The following RANBP9 variants were observed in gnomAD, a reference collection of about 807,000 sequenced individuals.
RANBP9 encodes ran-binding protein 9.
Under a neutral mutation model 84.3 loss-of-function variants are expected in RANBP9, and 15 were observed. That is an observed-to-expected ratio of 0.18 (90% CI 0.12 to 0.27). RANBP9 has a LOEUF of 0.27. Among genes scored for constraint, RANBP9 ranks in the 10% least tolerant of loss-of-function variants. The pLI, the probability that RANBP9 is intolerant of heterozygous loss-of-function variation, is 1.00. For synonymous variants in RANBP9, 392 were observed against 349.6 expected, an observed-to-expected ratio of 1.12 and a Z score of -1.35; for missense variants, 809 against 912.8, an observed-to-expected ratio of 0.89 and a Z score of 1.46.
At chr6:13,641,350 A>T (rs1371620309) in intron 7 of RANBP9, 43 bp from the exon 8 acceptor site, 1 of 1,239,396 alleles carries the variant, frequency 8.1e-7, no homozygotes, top group Non-Finnish European at 1.2e-6. Flanking sequence ...TTACAAAAGT[A>T]GATAAAACAT....
chr6:13,679,780 G>A (rs2113325758), intron 2 of RANBP9, among the ~76,000 whole-genome samples: 1 of 152,166 alleles, frequency 6.6e-6, no homozygotes, highest in African/African-American at 2.4e-5. Flanking sequence ...CAAATGAGAT[G>A]TACCTATAAA....
rs372574264 is a variant in RANBP9, at chr6:13,632,838, T to TAAA, written c.1796-320_1796-318dup. ...CCCTAAAACTACATTAAGCAACATT[T>TAAA]AAAAAAAAAAAAAAAAAAAGGAAAA... On this transcript the variant is annotated intron_variant, in intron 11 of 13. Transcript: ENST00000011619. 2.9e-3 allele frequency: 347 copies of TAAA among 121,570 alleles called. 2 individuals are homozygous for TAAA. Among genetic ancestry groups the TAAA allele is most frequent in the African/African-American group, 9.7e-3 (309 of 31,784 alleles). 7.5% of individuals were successfully genotyped at this position (121,570 alleles called of 1,614,324 possible).
chr6:13,655,518 C>G (rs1765378518), intron 4 of RANBP9, among the ~76,000 whole-genome samples: 1 of 151,924 alleles, frequency 6.6e-6, no homozygotes, highest in Admixed American at 6.6e-5. Flanking sequence ...AATGTGACTC[C>G]ATTATTAGGT....
At chr6:13,696,458 G>A (rs1366181726) in intron 2 of RANBP9, among the ~76,000 whole-genome samples, 1 of 152,194 alleles carries the variant, frequency 6.6e-6, no homozygotes, top group East Asian at 1.9e-4. Flanking sequence ...ACTAGTTTGA[G>A]AGGATTTAAC....
chr6:13,700,456 G>A (rs1757940777), intron 1 of RANBP9, among the ~76,000 whole-genome samples: 1 of 149,988 alleles, frequency 6.7e-6, no homozygotes, highest in African/African-American at 2.5e-5. Context: ...CTGTAAACAT[G>A]CTATTCCCTC....
intron 2 of RANBP9, among the ~76,000 whole-genome samples, chr6:13,664,659 A>C (rs1428113842): frequency 6.6e-6 from 1 of 152,168 alleles, no homozygotes; most frequent in Admixed American, 6.6e-5. Flanking sequence ...ACAAATATTT[A>C]AGGTAACAGA....
rs114056528 is a variant in RANBP9 at position 13,680,227 on chromosome 6, A to G, written c.683+16558T>C. Reference sequence around the variant, plus strand: ...GAGTCCCTAAAAAACAAACCCATGTAATGGAACAGAACAAATACTGAAAAC... The same window carrying G: ...GAGTCCCTAAAAAACAAACCCATGTGATGGAACAGAACAAATACTGAAAAC... On this transcript the variant is annotated intron_variant, in intron 2 of 13. Transcript: ENST00000011619. Among the ~76,000 whole-genome samples the G allele has an allele frequency of 3.3e-3, 500 of 152,310 alleles. 7 individuals carry two copies. Among genetic ancestry groups the G allele is most frequent in the African/African-American group, 0.011 (465 of 41,572 alleles).
chr6:13,635,633 CAA>C (rs967564078), intron 10 of RANBP9, among the ~76,000 whole-genome samples: 32 of 138,622 alleles, frequency 2.3e-4, no homozygotes, highest in African/African-American at 5.5e-4. Flanking sequence ...AAAAAAAAAA[CAA>C]GAGATCTAGG....
chr6:13,682,148 C>CTGGGATT lies in RANBP9; in HGVS notation c.683+14636_683+14637insAATCCCA, dbSNP rs1376680409. On this transcript the variant is annotated intron_variant, in intron 2 of 13. Coordinates refer to ENST00000011619, the MANE Select transcript of RANBP9 (RefSeq NM_005493.3). ...AAGTGCTGGGATTACAGGCGTGAGC[C>CTGGGATT]ACCGCACCTGGGCCAAGTGCCTTCT... is the stretch of plus-strand genomic sequence containing the variant. Among the ~76,000 whole-genome samples the CTGGGATT allele has an allele frequency of 1.2e-3, 188 of 152,218 alleles. 2 individuals are homozygous for CTGGGATT. The highest frequency in any genetic ancestry group is 4.4e-3 in the African/African-American group (182 of 41,544).
chr6:13,685,785 G>A (rs985187012), intron 2 of RANBP9, among the ~76,000 whole-genome samples: 1 of 151,854 alleles, frequency 6.6e-6, no homozygotes, highest in South Asian at 2.1e-4. Context: ...AAAAGTAGCT[G>A]GGCGTGGTGG....
intron 2 of RANBP9, among the ~76,000 whole-genome samples, chr6:13,685,182 G>C (rs1238991169): frequency 1.3e-5 from 2 of 152,040 alleles, no homozygotes; most frequent in Non-Finnish European, 2.9e-5. Flanking sequence ...CGGAAATAAA[G>C]ACAAATTTCA....
chr6:13,657,946 T>C (rs1031977052), intron 3 of RANBP9, among the ~76,000 whole-genome samples: 1 of 152,188 alleles, frequency 6.6e-6, no homozygotes, highest in Non-Finnish European at 1.5e-5. Flanking sequence ...TTCATGTAGT[T>C]TGACATTGAC....
intron 9 of RANBP9, among the ~76,000 whole-genome samples, chr6:13,639,317 T>TA: frequency 6.6e-6 from 1 of 152,258 alleles, no homozygotes; most frequent in East Asian, 1.9e-4. Flanking sequence ...TAGCTGGGAC[T>TA]ACAGGCACCT....
chr6:13,629,384 T>G (rs1764712768), intron 12 of RANBP9, among the ~76,000 whole-genome samples: 1 of 152,220 alleles, frequency 6.6e-6, no homozygotes, highest in Non-Finnish European at 1.5e-5. Flanking sequence ...TATTAGCTAG[T>G]TAAGATACAT....
chr6:13,692,527 C>CAAAAAAAAA (rs61237158), intron 2 of RANBP9, among the ~76,000 whole-genome samples: 2 of 28,706 alleles, frequency 7.0e-5, no homozygotes, highest in Non-Finnish European at 1.2e-4. Flanking sequence ...AACTCCGTCT[C>CAAAAAAAAA]AAAAAAAAAA....
At chr6:13,677,989 T>G (rs760676614) in intron 2 of RANBP9, among the ~76,000 whole-genome samples, 3 of 152,054 alleles carry the variant, frequency 2.0e-5, no homozygotes, top group Non-Finnish European at 4.4e-5. Flanking sequence ...CATAGTGGTA[T>G]GTGCCTGCAG....
At chr6:13,683,861 A>G (rs1208711352) in intron 2 of RANBP9, among the ~76,000 whole-genome samples, 1 of 151,636 alleles carries the variant, frequency 6.6e-6, no homozygotes, top group African/African-American at 2.4e-5. Flanking sequence ...AAACTGCACT[A>G]AAGATAACCA....
intron 9 of RANBP9, 75 bp downstream of exon 9, chr6:13,639,488 A>G (rs1282069578): frequency 6.9e-7 from 1 of 1,456,016 alleles, no homozygotes; most frequent in Non-Finnish European, 9.4e-7. Context: ...GGAAATATAC[A>G]GATTTTCAAA....
At chr6:13,708,715 C>T (rs1449703806) in intron 1 of RANBP9, among the ~76,000 whole-genome samples, 2 of 152,074 alleles carry the variant, frequency 1.3e-5, no homozygotes, top group African/African-American at 4.8e-5. Context: ...CTCTATGATA[C>T]TTCTCCTTTG....
Sources: allele counts gnomAD v4.1 joint callset (sites outside exome capture counted in the v4.1 genomes callset), GRCh38; gene constraint gnomAD v4.1.1; transcripts MANE v1.5; gene names NCBI Gene and HGNC (gene_info 2026-07-23, HGNC 2026-07-21).